The following GLRA3 variants were observed in gnomAD, a reference collection of about 807,000 sequenced individuals.
GLRA3 encodes the protein glycine receptor alpha 3.
Under a neutral mutation model 60.4 loss-of-function variants are expected in GLRA3, and 44 were observed. That is an observed-to-expected ratio of 0.73 (90% CI 0.57 to 0.94). The LOEUF is 0.94. Ranked by LOEUF, GLRA3 falls within the 40% of genes least tolerant of loss-of-function variation. The pLI, the probability that GLRA3 is intolerant of heterozygous loss-of-function variation, is 0.00. For missense variants in GLRA3, 508 were observed against 564.6 expected, an observed-to-expected ratio of 0.90 and a Z score of 1.02; for synonymous variants, 223 against 192.9, an observed-to-expected ratio of 1.16 and a Z score of -1.29.
chr4:174,770,406 G>A (rs1344288242), intron 2 of GLRA3, among the ~76,000 whole-genome samples: 3 of 152,014 alleles, frequency 2.0e-5, no homozygotes, highest in Non-Finnish European at 2.9e-5. Context: ...AATATCTGGG[G>A]CCATTATACT....
intron 1 of GLRA3, among the ~76,000 whole-genome samples, chr4:174,807,272 AT>A: frequency 6.6e-6 from 1 of 152,046 alleles, no homozygotes; most frequent in East Asian, 1.9e-4. Context: ...ATATATGTAA[AT>A]TTTTAAATAA....
At chr4:174,703,004 A>G (rs1735382505) in intron 5 of GLRA3, among the ~76,000 whole-genome samples, 1 of 152,188 alleles carries the variant, frequency 6.6e-6, no homozygotes, top group Non-Finnish European at 1.5e-5. Context: ...GCCCAGTGCT[A>G]ACACTTGGGC....
chr4:174,750,156 T>C (rs1288611609), intron 3 of GLRA3, among the ~76,000 whole-genome samples: 1 of 152,196 alleles, frequency 6.6e-6, no homozygotes, highest in South Asian at 2.1e-4. Flanking sequence ...GATTTTACCA[T>C]TTTTTGTGCA....
At chr4:174,695,384 TCCA>T (rs1402772019) in intron 5 of GLRA3, among the ~76,000 whole-genome samples, 5 of 152,074 alleles carry the variant, frequency 3.3e-5, no homozygotes, top group African/African-American at 1.2e-4. Context: ...CAAAAGCTAA[TCCA>T]CCATGATCAA....
intron 9 of GLRA3, among the ~76,000 whole-genome samples, chr4:174,656,500 A>G (rs1733210843): frequency 6.6e-6 from 1 of 152,170 alleles, no homozygotes; most frequent in Non-Finnish European, 1.5e-5. Context: ...CCAATCAAAT[A>G]GCTCTGTTAA....
intron 5 of GLRA3, among the ~76,000 whole-genome samples, chr4:174,685,751 C>G (rs1386415758): frequency 6.6e-6 from 1 of 152,022 alleles, no homozygotes; most frequent in Admixed American, 6.6e-5. Context: ...ATGCACATTT[C>G]TCAATGATTT....
intron 7 of GLRA3, among the ~76,000 whole-genome samples, chr4:174,675,126 T>A (rs72706149): frequency 3.9e-5 from 6 of 152,068 alleles, no homozygotes; most frequent in African/African-American, 1.4e-4. Context: ...TCAATTCCTT[T>A]TGTGGGTCAG....
rs147365642 is a variant in GLRA3 at position 174,718,363 on chromosome 4, T to C, written c.492-2793A>G. Among the ~76,000 whole-genome samples the C allele has an allele frequency of 1.1e-3, 169 of 152,324 alleles. 3 individuals are homozygous for C. The East Asian group carries it at 0.025, about 22-fold the overall frequency. On this transcript the variant is annotated intron_variant, in intron 4 of 9. Coordinates refer to ENST00000274093, the MANE Select transcript of GLRA3 (RefSeq NM_006529.4). ...TACTTGTGTAAGAGAGACACTAAGTTCTCTTTCTGAGACAAGATACATAAA... is the reference window on the plus strand; with the variant it reads ...TACTTGTGTAAGAGAGACACTAAGTCCTCTTTCTGAGACAAGATACATAAA...
intron 2 of GLRA3, among the ~76,000 whole-genome samples, chr4:174,781,262 C>A (rs1738858016): frequency 6.6e-6 from 1 of 150,852 alleles, no homozygotes; most frequent in South Asian, 2.1e-4. Context: ...TTCTTTGAAA[C>A]CAATGAGAAC....
rs1732648087 is a variant in GLRA3, at chr4:174,642,426, T to C, written c.*1360A>G. ...TACCTAAAAAGCATTCCAAAGCTTTTCCAAATAAATTTATGGTAAAAATAG... is the reference window on the plus strand; with the variant it reads ...TACCTAAAAAGCATTCCAAAGCTTTCCCAAATAAATTTATGGTAAAAATAG... On this transcript the variant is annotated 3_prime_UTR_variant, in exon 10 of 10. Transcript: ENST00000274093. 1.9e-5 allele frequency: 18 copies of C among 970,856 alleles called. No individual in the cohort carries two copies. The highest frequency in any genetic ancestry group is 2.2e-5 in the Non-Finnish European group (18 of 816,922). 60.1% of individuals were successfully genotyped at this position (970,856 alleles called of 1,614,324 possible).
chr4:174,807,122 T>C (rs1740081939), intron 1 of GLRA3, among the ~76,000 whole-genome samples: 1 of 152,004 alleles, frequency 6.6e-6, no homozygotes, highest in South Asian at 2.1e-4. Flanking sequence ...GAGCTGAGTG[T>C]GAAGCAGACA....
intron 1 of GLRA3, among the ~76,000 whole-genome samples, chr4:174,799,995 A>C (rs1410467750): frequency 6.6e-6 from 1 of 152,192 alleles, no homozygotes; most frequent in Non-Finnish European, 1.5e-5. Flanking sequence ...AAATAAAAAA[A>C]CTGAGAATTT....
At chr4:174,661,150 A>G (rs759600562) in intron 7 of GLRA3, among the ~76,000 whole-genome samples, 2 of 152,028 alleles carry the variant, frequency 1.3e-5, no homozygotes, top group Non-Finnish European at 2.9e-5. Context: ...CTCATAGTGG[A>G]CAGAGCTAGC....
chr4:174,784,468 TA>T (rs1233041090), intron 2 of GLRA3, among the ~76,000 whole-genome samples: 2,969 of 115,772 alleles, frequency 0.026, 97 homozygotes, highest in African/African-American at 0.08. Flanking sequence ...AAAGTATAAT[TA>T]AAAAAAAAAT....
chr4:174,790,770 G>GGAGATC lies in GLRA3; in HGVS notation c.72-1833_72-1828dup, dbSNP rs1476227248. 2.0e-5 allele frequency among the ~76,000 whole-genome samples: 3 copies of GGAGATC among 148,012 alleles called. No homozygotes were observed. In the East Asian group the frequency reaches 6.0e-4, roughly 29 times the overall value. ...CCGAAGCGGGTGGATCACGAGGTAAGGAGATCGAGACCATTCTGGCTAACA... is the reference window on the plus strand; with the variant it reads ...CCGAAGCGGGTGGATCACGAGGTAAGGAGATCGAGATCGAGACCATTCTGGCTAACA... On this transcript the variant is annotated intron_variant, in intron 1 of 9. Coordinates refer to ENST00000274093, the MANE Select transcript of GLRA3 (RefSeq NM_006529.4).
chr4:174,811,479 T>C (rs79630092), intron 1 of GLRA3, among the ~76,000 whole-genome samples: 2,440 of 152,286 alleles, frequency 0.016, 25 homozygotes, highest in Non-Finnish European at 0.027. Context: ...TTTGCTTAAA[T>C]GTCATGTCCT....
At chr4:174,813,973 C>T (rs780493611) in intron 1 of GLRA3, among the ~76,000 whole-genome samples, 1 of 152,196 alleles carries the variant, frequency 6.6e-6, no homozygotes, top group Non-Finnish European at 1.5e-5. Flanking sequence ...GGAAGGGGAG[C>T]ACACAGGTGA....
intron 5 of GLRA3, among the ~76,000 whole-genome samples, chr4:174,711,463 G>C (rs1579488515): frequency 6.9e-6 from 1 of 145,982 alleles, no homozygotes; most frequent in Non-Finnish European, 1.5e-5. Flanking sequence ...TTTTTTTAGA[G>C]AGAGTCTCAC....
intron 7 of GLRA3, among the ~76,000 whole-genome samples, chr4:174,666,697 C>G (rs1733677052): frequency 6.8e-6 from 1 of 147,808 alleles, no homozygotes; most frequent in Admixed American, 6.8e-5. Flanking sequence ...GCAAAATTAT[C>G]ATTAGAAATA....
Sources: allele counts gnomAD v4.1 joint callset (sites outside exome capture counted in the v4.1 genomes callset), GRCh38; gene constraint gnomAD v4.1.1; transcripts MANE v1.5; gene names NCBI Gene and HGNC (gene_info 2026-07-23, HGNC 2026-07-21).